UST: variants seen among roughly 807,000 people sequenced by gnomAD.
UST encodes the protein chondroitin sulfate 2-O-sulfotransferase.
Under a neutral mutation model 45.6 loss-of-function variants are expected in UST, and 21 were observed. The ratio of observed to expected loss-of-function variants is 0.46; its 90% CI spans 0.33 to 0.66. The LOEUF is 0.66. Ranked by LOEUF, UST falls within the 30% of genes least tolerant of loss-of-function variation. The pLI is 0.02. For synonymous variants in UST, 215 were observed against 200.6 expected (o/e 1.07, Z -0.61); for missense variants, 463 against 512.4 (o/e 0.90, Z 0.93).
intron 1 of UST, among the ~76,000 whole-genome samples, chr6:148,833,023 A>G (rs180792548): frequency 1.3e-3 from 192 of 152,320 alleles, no homozygotes; most frequent in Middle Eastern, 6.8e-3. Context: ...TCCCTTATCC[A>G]ACACCATTTG....
chr6:149,033,400 A>G (rs1170935976), intron 7 of UST, among the ~76,000 whole-genome samples: 1 of 152,232 alleles, frequency 6.6e-6, no homozygotes, highest in East Asian at 1.9e-4. Context: ...CTTGGTCTGT[A>G]TATTTTTCAT....
intron 5 of UST, among the ~76,000 whole-genome samples, chr6:148,996,377 C>A (rs1421895730): frequency 6.6e-6 from 1 of 152,120 alleles, no homozygotes; most frequent in Non-Finnish European, 1.5e-5. Flanking sequence ...TGCCACCATG[C>A]CCAGCTAATT....
intron 1 of UST, among the ~76,000 whole-genome samples, chr6:148,788,489 A>T (rs1776776779): frequency 6.6e-6 from 1 of 152,200 alleles, no homozygotes; most frequent in Non-Finnish European, 1.5e-5. Flanking sequence ...AAATTTCTTT[A>T]AAAAATGCTG....
intron 1 of UST, among the ~76,000 whole-genome samples, chr6:148,763,691 T>C (rs1389138875): frequency 6.6e-6 from 1 of 152,152 alleles, no homozygotes; most frequent in Non-Finnish European, 1.5e-5. Context: ...AGAAAAGGGG[T>C]CCAGTTTCAT....
intron 7 of UST, among the ~76,000 whole-genome samples, chr6:149,051,759 A>G (rs1776491782): frequency 6.6e-6 from 1 of 152,134 alleles, no homozygotes. Context: ...GTGTCTGACA[A>G]AACTTTACTT....
intron 5 of UST, among the ~76,000 whole-genome samples, chr6:149,009,243 G>A (rs557555580): frequency 5.9e-5 from 9 of 152,028 alleles, no homozygotes; most frequent in Non-Finnish European, 1.0e-4. Context: ...GGACATGGAA[G>A]ATCAAAAAAT....
chr6:148,853,145 C>G (rs1295587841), intron 1 of UST, among the ~76,000 whole-genome samples: 1 of 152,136 alleles, frequency 6.6e-6, no homozygotes, highest in Non-Finnish European at 1.5e-5. Context: ...TGTGTATTCC[C>G]CTCCCTGTGT....
Position 148,747,660 on chromosome 6 carries a change from A to G in UST, c.230A>G (p.Asp77Gly). Residue 77 changes from aspartate to glycine, a missense_variant, in exon 1 of 8, where the codon GAC (aspartate) becomes GGC (glycine). By Grantham distance (94) the Asp-to-Gly change is moderately conservative (BLOSUM62 -1). Around this residue, in one of 2 missense-constraint regions of UST, gnomAD observed 176 missense variants for 138.3 expected, o/e 1.27. Transcript: ENST00000367463. ...LSGGPPRFLL[D>G]LRQYLGNSTY... ...GGGGGACCCCCTCGCTTCCTGCTCG[A>G]CCTGCGGCAGTACTTGGGTAAGGAA... 1 of 1,600,276 alleles carries G rather than the reference A, an allele frequency of 6.2e-7. No individual in the cohort carries two copies. Among genetic ancestry groups the G allele is most frequent in the Non-Finnish European group, 8.5e-7 (1 of 1,174,926 alleles).
intron 2 of UST, among the ~76,000 whole-genome samples, chr6:148,902,564 A>C (rs1331583234): frequency 6.6e-6 from 1 of 152,144 alleles, no homozygotes; most frequent in South Asian, 2.1e-4. Flanking sequence ...TTTTTAATGA[A>C]TTTTGAGTCT....
chr6:149,048,547 A>AG (rs976473989), intron 7 of UST, among the ~76,000 whole-genome samples: 1,586 of 151,496 alleles, frequency 0.01, 24 homozygotes, highest in African/African-American at 0.036. Context: ...AAAAAAAAAA[A>AG]AGAGAGAGAG....
intron 1 of UST, among the ~76,000 whole-genome samples, chr6:148,881,974 C>T (rs1384893420): frequency 1.3e-5 from 2 of 152,192 alleles, no homozygotes; most frequent in African/African-American, 4.8e-5. Context: ...CTCACTGTCT[C>T]CTGCTAAAGA....
chr6:149,025,871 A>T (rs1776043499), intron 7 of UST, among the ~76,000 whole-genome samples: 1 of 151,898 alleles, frequency 6.6e-6, no homozygotes. Flanking sequence ...AAAAAAGTCC[A>T]GGCGTGGTGG....
chr6:148,813,421 G>A (rs1351740363), intron 1 of UST, among the ~76,000 whole-genome samples: 1 of 148,390 alleles, frequency 6.7e-6, no homozygotes. Flanking sequence ...TTGCTCTGTT[G>A]CCCAGGCTGG....
chr6:149,056,099 C>CTGCTT (rs1776558327), intron 7 of UST, among the ~76,000 whole-genome samples: 1 of 122,344 alleles, frequency 8.2e-6, no homozygotes. Context: ...CTCTGTTACT[C>CTGCTT]TGCTTTTCTT....
At chr6:148,981,771 G>A (rs1037990405) in intron 5 of UST, among the ~76,000 whole-genome samples, 3 of 152,176 alleles carry the variant, frequency 2.0e-5, no homozygotes, top group Non-Finnish European at 2.9e-5. Flanking sequence ...GTGCATATCT[G>A]TATTTCCTGT....
intron 2 of UST, among the ~76,000 whole-genome samples, chr6:148,930,645 G>A (rs1041661963): frequency 6.6e-6 from 1 of 152,154 alleles, no homozygotes; most frequent in African/African-American, 2.4e-5. Context: ...GCATCTGTTT[G>A]TATTGCACTT....
chr6:148,908,652 C>G (rs999287905), intron 2 of UST, among the ~76,000 whole-genome samples: 1 of 152,092 alleles, frequency 6.6e-6, no homozygotes, highest in African/African-American at 2.4e-5. Flanking sequence ...TGATTAATAT[C>G]AAATTCTCTT....
intron 5 of UST, among the ~76,000 whole-genome samples, chr6:148,965,952 A>G (rs1780787928): frequency 6.9e-6 from 1 of 145,322 alleles, no homozygotes; most frequent in African/African-American, 2.6e-5. Flanking sequence ...GGCCGGGCGC[A>G]GTGGCTCACG....
intron 4 of UST, 78 bp from the exon 5 acceptor site, chr6:148,964,332 G>T: frequency 6.5e-7 from 1 of 1,549,066 alleles, no homozygotes; most frequent in Non-Finnish European, 8.8e-7. Context: ...AACCTAGAGG[G>T]AAGGGGAGAT....
Sources: gnomAD v4.1 joint callset for allele counts (sites outside exome capture counted in the v4.1 genomes callset) on GRCh38, gnomAD v4.1.1 for gene constraint, gnomAD v4.1.1 regional missense constraint, MANE v1.5 for transcripts, NCBI Gene and HGNC (gene_info 2026-07-23, HGNC 2026-07-21) for gene names.